PAK5: variants seen among roughly 807,000 people sequenced by gnomAD.
PAK5 encodes the protein p21 (RAC1) activated kinase 5.
Under a neutral mutation model 65.9 loss-of-function variants are expected in PAK5, and 16 were observed. The observed-to-expected ratio is 0.24, with a 90% CI of 0.16 to 0.37. PAK5 has a LOEUF of 0.37. Ranked by LOEUF, PAK5 falls within the 10% of genes least tolerant of loss-of-function variation. The pLI is 1.00. For missense variants in PAK5, 785 were observed against 903.9 expected, an observed-to-expected ratio of 0.87 and a Z score of 1.69; for synonymous variants, 371 against 354.9, an observed-to-expected ratio of 1.05 and a Z score of -0.51.
At chr20:9,601,421 C>A (rs6140978) in intron 3 of PAK5, among the ~76,000 whole-genome samples, 3 of 151,938 alleles carry the variant, frequency 2.0e-5, no homozygotes, top group Non-Finnish European at 4.4e-5. Flanking sequence ...TCTTTATGTG[C>A]TATCATCTGT....
chr20:9,606,514 C>G (rs1251210044), intron 3 of PAK5, among the ~76,000 whole-genome samples: 1 of 152,144 alleles, frequency 6.6e-6, no homozygotes, highest in Non-Finnish European at 1.5e-5. Flanking sequence ...CCAGGAGGGG[C>G]AATAACTACA....
intron 3 of PAK5, among the ~76,000 whole-genome samples, chr20:9,620,831 G>T (rs1023544899): frequency 1.1e-4 from 16 of 152,160 alleles, no homozygotes; most frequent in African/African-American, 3.9e-4. Context: ...CCCAGGTGTA[G>T]TTTCCATTTT....
At chr20:9,641,645 T>A (rs777362208) in intron 3 of PAK5, among the ~76,000 whole-genome samples, 152 of 151,920 alleles carry the variant, frequency 1.0e-3, no homozygotes, top group Non-Finnish European at 1.8e-3. Flanking sequence ...CAGGGGGTGG[T>A]GCTCGTCAGG....
intron 1 of PAK5, among the ~76,000 whole-genome samples, chr20:9,729,945 GA>G (rs1164983310): frequency 6.7e-6 from 1 of 149,668 alleles, no homozygotes; most frequent in Non-Finnish European, 1.5e-5. Flanking sequence ...CTGGGAGGTG[GA>G]GGTTGCAGTG....
At chr20:9,549,580 A>G (rs1455842101) in intron 7 of PAK5, among the ~76,000 whole-genome samples, 1 of 152,116 alleles carries the variant, frequency 6.6e-6, no homozygotes, top group African/African-American at 2.4e-5. Flanking sequence ...AACTGATTGA[A>G]CACCAGCCTT....
chr20:9,834,287 T>G (rs181634581), intron 1 of PAK5, among the ~76,000 whole-genome samples: 2 of 152,312 alleles, frequency 1.3e-5, no homozygotes, highest in East Asian at 3.9e-4. Context: ...TACATTCATT[T>G]CCCTTGGGCA....
At chr20:9,793,234 G>A (rs1009097578) in intron 1 of PAK5, among the ~76,000 whole-genome samples, 4 of 152,098 alleles carry the variant, frequency 2.6e-5, no homozygotes, top group Non-Finnish European at 5.9e-5. Flanking sequence ...CTGGAGATAT[G>A]AACTATATTA....
rs143668623 is a variant in PAK5 at position 9,566,494 on chromosome 20, G to A, written c.991-110C>T. The A allele has an allele frequency of 1.8e-5, 19 of 1,084,762 alleles. No homozygotes were observed. In the East Asian group the frequency reaches 4.0e-4, roughly 23 times the overall value. 67.2% of individuals were successfully genotyped at this position (1,084,762 alleles called of 1,614,324 possible). On this transcript the variant is annotated intron_variant, in intron 4 of 9. Coordinates refer to ENST00000353224, the MANE Select transcript of PAK5 (RefSeq NM_177990.4). ...GGCAGAATGAGGATCACCAGTGGGA[G>A]ATGAGAGGATCTGGCTGGGGCACCA... is the stretch of plus-strand genomic sequence containing the variant.
At chr20:9,820,042 A>G (rs939451679) in intron 1 of PAK5, among the ~76,000 whole-genome samples, 12 of 152,144 alleles carry the variant, frequency 7.9e-5, no homozygotes, top group African/African-American at 2.7e-4. Context: ...TCCCGATCCA[A>G]CTGTATTTCT....
intron 2 of PAK5, among the ~76,000 whole-genome samples, chr20:9,655,404 G>A (rs2047253666): frequency 6.6e-6 from 1 of 150,996 alleles, no homozygotes; most frequent in African/African-American, 2.4e-5. Flanking sequence ...CATTGTGTGG[G>A]ACTTGCTTTT....
At chr20:9,709,977 A>T (rs145556197) in intron 2 of PAK5, among the ~76,000 whole-genome samples, 81 of 152,360 alleles carry the variant, frequency 5.3e-4, no homozygotes, top group African/African-American at 1.9e-3. Flanking sequence ...TCTGGTAACC[A>T]TTGCTTGAAT....
At chr20:9,827,999 TG>T (rs1380553580) in intron 1 of PAK5, among the ~76,000 whole-genome samples, 5 of 152,000 alleles carry the variant, frequency 3.3e-5, no homozygotes, top group South Asian at 2.1e-4. Flanking sequence ...GCCCAGCTAA[TG>T]TTTTTTTGTA....
chr20:9,778,277 G>T (rs1309831128), intron 1 of PAK5, among the ~76,000 whole-genome samples: 3 of 152,120 alleles, frequency 2.0e-5, no homozygotes. Context: ...TCACTCTGTT[G>T]CTCAGGCTGG....
intron 1 of PAK5, among the ~76,000 whole-genome samples, chr20:9,751,823 AG>A (rs1300163421): frequency 6.6e-6 from 1 of 152,190 alleles, no homozygotes; most frequent in African/African-American, 2.4e-5. Flanking sequence ...CCATTTTAAA[AG>A]GAAAGGTTAC....
chr20:9,601,438 C>T (rs2046357253), intron 3 of PAK5, among the ~76,000 whole-genome samples: 1 of 152,158 alleles, frequency 6.6e-6, no homozygotes, highest in African/African-American at 2.4e-5. Flanking sequence ...CTGTCTCTTG[C>T]ATTTGATCGT....
At chr20:9,541,632 C>T (rs903516729) in intron 9 of PAK5, among the ~76,000 whole-genome samples, 9 of 152,122 alleles carry the variant, frequency 5.9e-5, no homozygotes, top group African/African-American at 2.2e-4. Flanking sequence ...TACCTTCTTC[C>T]TATTCAGGTC....
chr20:9,773,792 C>T (rs1020966221), intron 1 of PAK5, among the ~76,000 whole-genome samples: 1 of 152,170 alleles, frequency 6.6e-6, no homozygotes, highest in African/African-American at 2.4e-5. Flanking sequence ...AAGGTTGTTA[C>T]TGTAGTTGTC....
At chr20:9,665,735 C>A (rs2047408421) in intron 2 of PAK5, among the ~76,000 whole-genome samples, 1 of 151,514 alleles carries the variant, frequency 6.6e-6, no homozygotes. Context: ...CTCAAGCAAT[C>A]CTCCTACCTT....
intron 2 of PAK5, among the ~76,000 whole-genome samples, chr20:9,703,625 C>A (rs1258334133): frequency 1.3e-5 from 2 of 152,096 alleles, no homozygotes; most frequent in African/African-American, 4.8e-5. Context: ...TGGACTCTCT[C>A]CCCTGTATGT....
Sources: allele counts gnomAD v4.1 joint callset (sites outside exome capture counted in the v4.1 genomes callset), GRCh38; gene constraint gnomAD v4.1.1; transcripts MANE v1.5; gene names NCBI Gene and HGNC (gene_info 2026-07-23, HGNC 2026-07-21).